RALGPS2: variants seen among roughly 807,000 people sequenced by gnomAD.
RALGPS2 encodes the protein ras-specific guanine nucleotide-releasing factor RalGPS2.
RALGPS2 carries 43 observed loss-of-function variants against 86.8 expected under a neutral mutation model. The observed-to-expected ratio is 0.50, with a 90% CI of 0.39 to 0.64. The LOEUF is 0.64. Among genes scored for constraint, RALGPS2 ranks in the 30% least tolerant of loss-of-function variants. The probability of loss-of-function intolerance (pLI) is 0.00; values close to 1 mark genes in which losing one functional copy is unlikely to be tolerated. For synonymous variants in RALGPS2, 243 were observed against 231.3 expected (o/e 1.05, Z -0.46); for missense variants, 536 against 694.6 (o/e 0.77, Z 2.57).
At position 178,921,050 on chromosome 1, in the gene RALGPS2, G is replaced by T. The variant is rs1214661555; in HGVS notation, c.*4691G>T. 6.6e-6 allele frequency: 1 copy of T among 151,998 alleles called. No homozygotes were observed. Among genetic ancestry groups the T allele is most frequent in the Non-Finnish European group, 1.5e-5 (1 of 67,928 alleles). 9.4% of individuals were successfully genotyped at this position (151,998 alleles called of 1,614,324 possible). A position where few individuals can be genotyped will look rare whatever the true frequency, so the allele number is the denominator to read the frequency against. On this transcript the variant is annotated 3_prime_UTR_variant, in exon 20 of 20. Transcript: ENST00000367635. ...TTCTCTCAGATTATTGGAAGACCTA[G>T]AGCTACTGGATGTTAACCTGAATCA...
intron 6 of RALGPS2, among the ~76,000 whole-genome samples, chr1:178,814,821 A>G (rs1655151537): frequency 2.0e-5 from 3 of 152,226 alleles, no homozygotes; most frequent in African/African-American, 7.2e-5. Flanking sequence ...CTAGCAATGT[A>G]TGAAGATGCC....
At chr1:178,818,433 G>A (rs1345455267) in intron 6 of RALGPS2, among the ~76,000 whole-genome samples, 2 of 152,186 alleles carry the variant, frequency 1.3e-5, no homozygotes. Flanking sequence ...TTGAGTTTTA[G>A]CTTTAGTTAG....
At chr1:178,802,156 A>G (rs1048425196) in intron 4 of RALGPS2, among the ~76,000 whole-genome samples, 3 of 152,052 alleles carry the variant, frequency 2.0e-5, no homozygotes, top group Admixed American at 2.0e-4. Context: ...TTGATAACAT[A>G]AACAGTCGAT....
At chr1:178,810,113 G>A (rs1399871665) in intron 5 of RALGPS2, among the ~76,000 whole-genome samples, 1 of 151,914 alleles carries the variant, frequency 6.6e-6, no homozygotes, top group Non-Finnish European at 1.5e-5. Flanking sequence ...GCCAGGTGTA[G>A]TGGCTCATGC....
intron 8 of RALGPS2, among the ~76,000 whole-genome samples, chr1:178,840,349 A>C (rs1397928806): frequency 6.6e-6 from 1 of 152,190 alleles, no homozygotes; most frequent in Non-Finnish European, 1.5e-5. Flanking sequence ...TAAGAAACTC[A>C]CTCAAAATCG....
chr1:178,909,773 C>T (rs1214655886), intron 19 of RALGPS2, among the ~76,000 whole-genome samples: 1 of 151,310 alleles, frequency 6.6e-6, no homozygotes, highest in Non-Finnish European at 1.5e-5. Flanking sequence ...CCTCAGTCTC[C>T]CGAGTAGCTG....
In RALGPS2 at chr1:178,917,211, C is replaced by G. The variant is rs1660845098; in HGVS notation, c.*852C>G. The G allele has an allele frequency of 6.6e-6, 1 of 152,088 alleles. No homozygotes were observed. The highest frequency in any genetic ancestry group is 2.4e-5 in the African/African-American group (1 of 41,426). The allele number at this position is 152,088 out of a possible 1,614,324, so 9.4% of individuals were successfully genotyped here. On this transcript the variant is annotated 3_prime_UTR_variant, in exon 20 of 20. Coordinates refer to ENST00000367635, the MANE Select transcript of RALGPS2 (RefSeq NM_152663.5). Reference sequence around the variant, plus strand: ...ACCACAGATCTGCTTAAGTAAAGAGCTATAATCCCAACCTAAACTTTTCTG... The same window carrying G: ...ACCACAGATCTGCTTAAGTAAAGAGGTATAATCCCAACCTAAACTTTTCTG...
At chr1:178,761,178 G>A (rs760953821) in intron 1 of RALGPS2, among the ~76,000 whole-genome samples, 1 of 151,978 alleles carries the variant, frequency 6.6e-6, no homozygotes, top group East Asian at 1.9e-4. Context: ...TTTCGGCCAC[G>A]TTTGCCAGGC....
chr1:178,848,654 A>G (rs1177545640), intron 8 of RALGPS2, among the ~76,000 whole-genome samples: 1 of 152,104 alleles, frequency 6.6e-6, no homozygotes, highest in Non-Finnish European at 1.5e-5. Context: ...GAAAACTTGG[A>G]TATTGTTTTG....
chr1:178,818,013 C>G (rs1277417907), intron 6 of RALGPS2, among the ~76,000 whole-genome samples: 2 of 152,180 alleles, frequency 1.3e-5, no homozygotes, highest in Non-Finnish European at 2.9e-5. Flanking sequence ...AGTAAATACT[C>G]TCTTCTCCCA....
At chr1:178,784,391 A>G in intron 2 of RALGPS2, 27 bp from the exon 3 acceptor site, 1 of 1,559,290 alleles carries the variant, frequency 6.4e-7, no homozygotes, top group Non-Finnish European at 8.8e-7. Flanking sequence ...AGTATGTAAA[A>G]GGCTGCATTT....
chr1:178,874,223 TTGA>T (rs1473473638), intron 8 of RALGPS2, among the ~76,000 whole-genome samples: 4 of 152,170 alleles, frequency 2.6e-5, no homozygotes, highest in Non-Finnish European at 1.5e-5. Flanking sequence ...TGCAACAGTA[TTGA>T]TGATGTCGTA....
In RALGPS2 at chr1:178,731,272, G is replaced by GTTTTTTT. The variant is rs57628726; in HGVS notation, c.-84+5876_-84+5882dup. The stretch of plus-strand genomic sequence containing the variant: ...TGATTATACTTTTCTAGTTGTTTTG[G>GTTTTTTT]TTTTTTTTTTTTTTTTTTTTTTTTT... On this transcript the variant is annotated intron_variant, in intron 1 of 19. Coordinates refer to ENST00000367635, the MANE Select transcript of RALGPS2 (RefSeq NM_152663.5). Among the ~76,000 whole-genome samples the GTTTTTTT allele has an allele frequency of 1.4e-3, 79 of 57,970 alleles. 8 individuals carry two copies. The highest frequency in any genetic ancestry group is 1.5e-3 in the Non-Finnish European group (50 of 33,076). 38.0% of individuals were successfully genotyped at this position (57,970 alleles called of 152,430 possible).
intron 15 of RALGPS2, among the ~76,000 whole-genome samples, chr1:178,893,205 A>G (rs2102391600): frequency 6.6e-6 from 1 of 151,710 alleles, no homozygotes; most frequent in South Asian, 2.1e-4. Flanking sequence ...AGGACCTTAA[A>G]TCAATTAGGG....
intron 4 of RALGPS2, among the ~76,000 whole-genome samples, chr1:178,801,816 AAGGG>A (rs34355414): frequency 0.63 from 88,954 of 141,758 alleles, 28,386 homozygotes; most frequent in African/African-American, 0.77. Flanking sequence ...TGATGGGTAG[AAGGG>A]AGGGAGGGAG....
chr1:178,770,645 T>C (rs1652756199), intron 1 of RALGPS2, among the ~76,000 whole-genome samples: 1 of 150,602 alleles, frequency 6.6e-6, no homozygotes, highest in Admixed American at 6.6e-5. Context: ...CCTGGCAAAT[T>C]TTTGTATTTT....
intron 8 of RALGPS2, among the ~76,000 whole-genome samples, chr1:178,860,906 C>A (rs1337379305): frequency 6.6e-6 from 1 of 152,068 alleles, no homozygotes; most frequent in Non-Finnish European, 1.5e-5. Context: ...ACATTTTTTT[C>A]CAGACAGATG....
At chr1:178,865,813 A>G (rs1658368151) in intron 8 of RALGPS2, 1 of 1,479,308 alleles carries the variant, frequency 6.8e-7, no homozygotes, top group Non-Finnish European at 9.1e-7. Context: ...CTTTTGAAAA[A>G]CAAATCAGTG....
intron 1 of RALGPS2, among the ~76,000 whole-genome samples, chr1:178,726,762 G>A (rs980212716): frequency 7.9e-5 from 12 of 152,118 alleles, no homozygotes; most frequent in African/African-American, 2.9e-4. Context: ...TCCTGTTCAA[G>A]TTTCTTTGAA....
Sources: gnomAD v4.1 joint callset for allele counts (sites outside exome capture counted in the v4.1 genomes callset) on GRCh38, gnomAD v4.1.1 for gene constraint, MANE v1.5 for transcripts, NCBI Gene and HGNC (gene_info 2026-07-23, HGNC 2026-07-21) for gene names.